KCNMA1: variants seen among roughly 807,000 people sequenced by gnomAD.
KCNMA1 encodes the protein potassium calcium-activated channel subfamily M alpha 1.
A neutral mutation model predicts 140.0 loss-of-function variants in KCNMA1; 29 were observed. The ratio of observed to expected loss-of-function variants is 0.21; its 90% confidence interval spans 0.15 to 0.28. KCNMA1 has a LOEUF of 0.28. Among genes scored for constraint, KCNMA1 ranks in the 10% least tolerant of loss-of-function variants. The probability of loss-of-function intolerance (pLI) is 1.00; values close to 1 mark genes in which losing one functional copy is unlikely to be tolerated. For synonymous variants in KCNMA1, 612 were observed against 611.9 expected (o/e 1.00, Z 0.00); for missense variants, 880 against 1,602.2 (o/e 0.55, Z 7.70).
chr10:77,266,205 C>A (rs1472746388), intron 2 of KCNMA1, among the ~76,000 whole-genome samples: 1 of 151,718 alleles, frequency 6.6e-6, no homozygotes, highest in Non-Finnish European at 1.5e-5. Context: ...GAAAGCACCA[C>A]AAATGAAAAA....
chr10:76,942,654 G>A (rs562807535), intron 23 of KCNMA1, among the ~76,000 whole-genome samples: 1 of 152,294 alleles, frequency 6.6e-6, no homozygotes, highest in East Asian at 1.9e-4. Flanking sequence ...AAGAGAACTG[G>A]AAGGAACAAC....
At chr10:77,354,487 A>T (rs2093281360) in intron 2 of KCNMA1, 1 of 152,212 alleles carries the variant, frequency 6.6e-6, no homozygotes, top group Admixed American at 6.5e-5. Flanking sequence ...CAGCAGAAAG[A>T]AAAGAAGCTG....
At chr10:77,629,660 T>C (rs1274315884) in intron 1 of KCNMA1, among the ~76,000 whole-genome samples, 1 of 152,168 alleles carries the variant, frequency 6.6e-6, no homozygotes, top group Non-Finnish European at 1.5e-5. Flanking sequence ...AACTGTTTTT[T>C]CCTCTGCTCA....
intron 3 of KCNMA1, among the ~76,000 whole-genome samples, chr10:77,243,293 C>T (rs7894053): frequency 0.063 from 9,526 of 152,262 alleles, 745 homozygotes; most frequent in East Asian, 0.22. Flanking sequence ...TTCGCTCCAG[C>T]TGGCTCCTAT....
intron 1 of KCNMA1, among the ~76,000 whole-genome samples, chr10:77,615,523 C>T (rs919416151): frequency 6.6e-6 from 1 of 152,172 alleles, no homozygotes; most frequent in African/African-American, 2.4e-5. Context: ...ACCAGGGACC[C>T]TCAGAATGGC....
chr10:77,575,513 G>A (rs7073951), intron 1 of KCNMA1, among the ~76,000 whole-genome samples: 1 of 152,234 alleles, frequency 6.6e-6, no homozygotes, highest in Admixed American at 6.5e-5. Flanking sequence ...CCCACTTTCT[G>A]GTGTGCCTTC....
At chr10:77,171,066 A>C (rs1273679324) in intron 5 of KCNMA1, among the ~76,000 whole-genome samples, 1 of 152,344 alleles carries the variant, frequency 6.6e-6, no homozygotes, top group East Asian at 1.9e-4. Flanking sequence ...TAGCAGCTAC[A>C]ACTAGAATTC....
chr10:76,922,337 T>G (rs2152531884), intron 23 of KCNMA1, among the ~76,000 whole-genome samples: 1 of 152,360 alleles, frequency 6.6e-6, no homozygotes, highest in South Asian at 2.1e-4. Flanking sequence ...TCTGCTGTTT[T>G]CTGTTCCTTT....
At chr10:77,408,504 G>T (rs540476549) in intron 1 of KCNMA1, among the ~76,000 whole-genome samples, 1 of 152,002 alleles carries the variant, frequency 6.6e-6, no homozygotes, top group African/African-American at 2.4e-5. Context: ...GCATGTCTGA[G>T]AATGTGTGCA....
chr10:76,945,512 G>A (rs1407129134), intron 22 of KCNMA1, among the ~76,000 whole-genome samples: 1 of 152,170 alleles, frequency 6.6e-6, no homozygotes, highest in Non-Finnish European at 1.5e-5. Context: ...TATGGATGGA[G>A]TGGAATTAAT....
At chr10:77,016,654 G>A (rs956030396) in intron 17 of KCNMA1, among the ~76,000 whole-genome samples, 6 of 152,084 alleles carry the variant, frequency 3.9e-5, no homozygotes, top group Non-Finnish European at 5.9e-5. Flanking sequence ...CTGAGCCACC[G>A]TTTTGTGACT....
At chr10:77,613,113 C>T (rs1012578594) in intron 1 of KCNMA1, among the ~76,000 whole-genome samples, 7 of 152,180 alleles carry the variant, frequency 4.6e-5, no homozygotes, top group Non-Finnish European at 7.3e-5. Flanking sequence ...GATTTCTTAA[C>T]CTCTATGAGT....
chr10:76,930,892 A>G (rs913344386), intron 23 of KCNMA1, among the ~76,000 whole-genome samples: 9 of 152,226 alleles, frequency 5.9e-5, no homozygotes, highest in Admixed American at 5.2e-4. Flanking sequence ...CAGTTATAGA[A>G]GGACAAATAC....
intron 1 of KCNMA1, among the ~76,000 whole-genome samples, chr10:77,582,064 A>G (rs1265974759): frequency 2.0e-5 from 3 of 152,198 alleles, no homozygotes; most frequent in Non-Finnish European, 4.4e-5. Flanking sequence ...ATATTTTCCC[A>G]GGGCTGAGAA....
At chr10:77,627,695 A>G (rs527344952) in intron 1 of KCNMA1, among the ~76,000 whole-genome samples, 22 of 152,350 alleles carry the variant, frequency 1.4e-4, no homozygotes, top group African/African-American at 5.3e-4. Context: ...ACCATCCACC[A>G]AGGCTTGTTC....
At chr10:77,131,600 G>T (rs2097858713) in intron 5 of KCNMA1, among the ~76,000 whole-genome samples, 1 of 151,994 alleles carries the variant, frequency 6.6e-6, no homozygotes, top group African/African-American at 2.4e-5. Context: ...AGGGACTAGG[G>T]GGTGACAGGC....
intron 5 of KCNMA1, among the ~76,000 whole-genome samples, chr10:77,155,390 TG>T (rs1302293957): frequency 1.3e-5 from 2 of 152,212 alleles, no homozygotes; most frequent in African/African-American, 2.4e-5. Context: ...TTACATGCGG[TG>T]GCCATGGTTG....
At chr10:77,076,847 A>G (rs1305844770) in intron 13 of KCNMA1, among the ~76,000 whole-genome samples, 4 of 152,180 alleles carry the variant, frequency 2.6e-5, no homozygotes, top group African/African-American at 9.7e-5. Flanking sequence ...GAATATTACT[A>G]TTACTGGATC....
At chr10:77,627,573 T>G (rs941436469) in intron 1 of KCNMA1, among the ~76,000 whole-genome samples, 5 of 152,096 alleles carry the variant, frequency 3.3e-5, no homozygotes, top group African/African-American at 1.2e-4. Flanking sequence ...AAAGTGGCCT[T>G]CATGGAGGAA....
Sources: allele counts gnomAD v4.1 joint callset (sites outside exome capture counted in the v4.1 genomes callset), GRCh38; gene constraint gnomAD v4.1.1; transcripts MANE v1.5; gene names NCBI Gene and HGNC (gene_info 2026-07-23, HGNC 2026-07-21).